FIG4: variants seen among roughly 807,000 people sequenced by gnomAD.
FIG4 encodes FIG4 phosphoinositide 5-phosphatase.
A neutral mutation model predicts 118.6 loss-of-function variants in FIG4; 112 were observed. The ratio of observed to expected loss-of-function variants is 0.94; its 90% CI spans 0.81 to 1.11. The LOEUF is 1.11. Ranked by LOEUF, FIG4 falls within the 50% of genes least tolerant of loss-of-function variation. The probability of loss-of-function intolerance (pLI) is 0.00; values close to 1 mark genes in which losing one functional copy is unlikely to be tolerated. For synonymous variants in FIG4, 369 were observed against 381.2 expected (o/e 0.97, Z 0.37); for missense variants, 969 against 1,111.7 (o/e 0.87, Z 1.83).
At chr6:109,794,425 C>T (rs763445251) in intron 21 of FIG4, among the ~76,000 whole-genome samples, 23 of 152,186 alleles carry the variant, frequency 1.5e-4, no homozygotes, top group Non-Finnish European at 2.5e-4. Context: ...GCTGATCATT[C>T]TTTCCCTGTG....
intron 22 of FIG4, among the ~76,000 whole-genome samples, chr6:109,823,846 G>T (rs1364439965): frequency 6.6e-6 from 1 of 152,104 alleles, no homozygotes; most frequent in Non-Finnish European, 1.5e-5. Flanking sequence ...CCCTGTTATG[G>T]CCAACCACCC....
chr6:109,800,093 A>C (rs1778389688), intron 22 of FIG4, among the ~76,000 whole-genome samples: 2 of 152,178 alleles, frequency 1.3e-5, no homozygotes, highest in South Asian at 2.1e-4. Flanking sequence ...AGGCACAGAG[A>C]AGTTATGTAA....
chr6:109,762,371 T>C (rs1020533416), intron 12 of FIG4, among the ~76,000 whole-genome samples, 164 bp downstream of exon 12: 2 of 151,922 alleles, frequency 1.3e-5, no homozygotes, highest in Non-Finnish European at 2.9e-5. Context: ...GCATGGGAAT[T>C]CCTTTGGTGG....
At chr6:109,725,221 G>A (rs182116305) in intron 3 of FIG4, among the ~76,000 whole-genome samples, 49 of 151,920 alleles carry the variant, frequency 3.2e-4, no homozygotes, top group African/African-American at 8.7e-4. Flanking sequence ...CCCCACATGC[G>A]TTAGGTATTT....
rs929212834 is a variant in FIG4, at chr6:109,776,806, G to A, written c.1751-116G>A. On this transcript the variant is annotated intron_variant, in intron 15 of 22. Transcript: ENST00000230124. The stretch of plus-strand genomic sequence containing the variant: ...GTGTGTGTATGAAGTATTTGTATTT[G>A]TATGTATTTGAACTATAAATACTAC... 7.7e-5 allele frequency: 61 copies of A among 788,008 alleles called. No homozygotes were observed. In the East Asian group the frequency reaches 1.5e-3, roughly 20 times the overall value. The allele number at this position is 788,008 out of a possible 1,614,324, so 48.8% of individuals were successfully genotyped here.
chr6:109,791,285 A>T, intron 19 of FIG4, 91 bp from the exon 20 acceptor site: 1 of 1,093,062 alleles, frequency 9.1e-7, no homozygotes, highest in Non-Finnish European at 1.4e-6. Flanking sequence ...CTTATGCTTC[A>T]CTAGGCCTAA....
chr6:109,808,424 T>C (rs953879057), intron 22 of FIG4, among the ~76,000 whole-genome samples: 4 of 148,110 alleles, frequency 2.7e-5, no homozygotes, highest in African/African-American at 9.9e-5. Context: ...GACAAAGCAG[T>C]AAAAATTATT....
intron 1 of FIG4, among the ~76,000 whole-genome samples, chr6:109,714,635 T>C (rs962745845): frequency 3.3e-5 from 5 of 152,232 alleles, no homozygotes; most frequent in African/African-American, 1.2e-4. Context: ...TAAAGACATT[T>C]GCAGACATTT....
intron 18 of FIG4, among the ~76,000 whole-genome samples, chr6:109,788,436 A>G (rs375284250): frequency 1.3e-5 from 2 of 152,236 alleles, no homozygotes; most frequent in Non-Finnish European, 2.9e-5. Flanking sequence ...GGTGTCAAAT[A>G]GACTGTGAAA....
At chr6:109,736,036 A>G (rs1776150222) in intron 6 of FIG4, among the ~76,000 whole-genome samples, 1 of 152,046 alleles carries the variant, frequency 6.6e-6, no homozygotes, top group Non-Finnish European at 1.5e-5. Context: ...TTGGTCTAGC[A>G]CTGTAAAGCT....
intron 22 of FIG4, among the ~76,000 whole-genome samples, chr6:109,811,966 A>G (rs935315532): frequency 7.9e-5 from 12 of 152,276 alleles, no homozygotes; most frequent in African/African-American, 2.9e-4. Context: ...TCCCTGCTCA[A>G]ATCTCATCTT....
intron 1 of FIG4, among the ~76,000 whole-genome samples, chr6:109,708,929 G>A (rs1775174028): frequency 6.6e-6 from 1 of 152,050 alleles, no homozygotes; most frequent in Non-Finnish European, 1.5e-5. Flanking sequence ...TTACTCTCTT[G>A]ATAGTTTATT....
intron 22 of FIG4, among the ~76,000 whole-genome samples, chr6:109,802,985 A>G (rs1778463754): frequency 6.6e-6 from 1 of 152,168 alleles, no homozygotes; most frequent in Admixed American, 6.5e-5. Context: ...GAGAGCTTTC[A>G]TGGGCTCATG....
At chr6:109,737,749 C>T (rs74730005) in intron 6 of FIG4, among the ~76,000 whole-genome samples, 3,087 of 152,178 alleles carry the variant, frequency 0.02, 82 homozygotes, top group East Asian at 0.11. Context: ...GAGAAAAGGC[C>T]TGACATCATA....
rs1448646416 is a variant in FIG4 at position 109,727,136 on chromosome 6, A to G, written c.317A>G (p.Tyr106Cys). Residue 106 changes from tyrosine (Y) to cysteine (C), a missense_variant, in exon 4 of 23, where the codon TAT becomes TGT. Coordinates refer to ENST00000230124, the MANE Select transcript of FIG4 (RefSeq NM_014845.6). ...VGFVRFLEGY[Y>C]IVLITKRRKM... Reference sequence around the variant, plus strand: ...TTTGTCAGGTTCTTAGAAGGCTATTATATTGTGTTAATAACTAAAAGGAGG... The same window carrying G: ...TTTGTCAGGTTCTTAGAAGGCTATTGTATTGTGTTAATAACTAAAAGGAGG... The G allele has an allele frequency of 1.2e-6, 2 of 1,611,316 alleles. No homozygotes were observed. Among genetic ancestry groups the G allele is most frequent in the East Asian group, 4.5e-5 (2 of 44,862 alleles).
intron 14 of FIG4, among the ~76,000 whole-genome samples, chr6:109,765,855 C>T (rs1174366075): frequency 6.6e-6 from 1 of 152,142 alleles, no homozygotes; most frequent in African/African-American, 2.4e-5. Flanking sequence ...CGGAAATTGT[C>T]ATAAAGGCTC....
chr6:109,770,243 T>C (rs955953689), intron 15 of FIG4, among the ~76,000 whole-genome samples: 1 of 152,132 alleles, frequency 6.6e-6, no homozygotes, highest in South Asian at 2.1e-4. Flanking sequence ...TAAATGCAAA[T>C]TTTTAAGCCT....
chr6:109,806,480 C>T (rs1053294900), intron 22 of FIG4, among the ~76,000 whole-genome samples: 8 of 151,748 alleles, frequency 5.3e-5, no homozygotes, highest in Admixed American at 1.3e-4. Flanking sequence ...TGTGCACACA[C>T]GAGTGTGTGT....
intron 15 of FIG4, among the ~76,000 whole-genome samples, chr6:109,772,923 G>C (rs901858132): frequency 6.6e-6 from 1 of 152,212 alleles, no homozygotes; most frequent in African/African-American, 2.4e-5. Context: ...GATGTCACAT[G>C]ACGTTAAAAT....
Sources: allele counts gnomAD v4.1 joint callset (sites outside exome capture counted in the v4.1 genomes callset), GRCh38; gene constraint gnomAD v4.1.1; transcripts MANE v1.5; gene names NCBI Gene and HGNC (gene_info 2026-07-23, HGNC 2026-07-21).